BCL11A: variants seen among roughly 807,000 people sequenced by gnomAD.
BCL11A encodes B cell CLL/lymphoma 11A.
A neutral mutation model predicts 55.9 loss-of-function variants in BCL11A; 2 were observed. That is an observed-to-expected ratio of 0.04 (90% CI 0.01 to 0.11). The LOEUF is 0.11. BCL11A is among the 10% of genes least tolerant of loss of function. The pLI, the probability that BCL11A is intolerant of heterozygous loss-of-function variation, is 1.00. For synonymous variants in BCL11A, 465 were observed against 473.4 expected (o/e 0.98, Z 0.23); for missense variants, 817 against 1,137.1 (o/e 0.72, Z 4.05).
Position 60,501,786 on chromosome 2 carries a change from G to A in BCL11A, c.386-32953C>T, listed in dbSNP as rs139325010. 5.7e-4 allele frequency among the ~76,000 whole-genome samples: 87 copies of A among 152,202 alleles called. 2 individuals carry two copies. In the East Asian group the frequency reaches 0.013, roughly 23 times the overall value. On this transcript the variant is annotated intron_variant, in intron 2 of 3. Transcript: ENST00000642384. ...CTCCCAAAGTGCTGGAATTACAGAC[G>A]TGAGCCACTGCGCCCAGCCTTACAC...
At position 60,464,895 on chromosome 2, in the gene BCL11A, C is replaced by A. The variant is rs576070706; in HGVS notation, c.488-2471G>T. 3.3e-5 allele frequency among the ~76,000 whole-genome samples: 5 copies of A among 152,254 alleles called. No homozygotes were observed. In the East Asian group the frequency reaches 9.6e-4, roughly 29 times the overall value. Reference sequence around the variant, plus strand: ...CAGGTCAGAGAAAATGGCATTTTATCTTATAATGAGCATACAACATACAGT... The same window carrying A: ...CAGGTCAGAGAAAATGGCATTTTATATTATAATGAGCATACAACATACAGT... On this transcript the variant is annotated intron_variant, in intron 3 of 3. Coordinates refer to ENST00000642384, the MANE Select transcript of BCL11A (RefSeq NM_022893.4).
intron 2 of BCL11A, among the ~76,000 whole-genome samples, chr2:60,539,911 T>C (rs973035020): frequency 1.3e-5 from 2 of 152,166 alleles, no homozygotes; most frequent in African/African-American, 4.8e-5. Context: ...GGAGAAGCTG[T>C]TTAAGGATGC....
At chr2:60,456,583 A>C (rs1675943661), downstream of BCL11A, among the ~76,000 whole-genome samples, 1 of 152,158 alleles carries the variant, frequency 6.6e-6, no homozygotes, top group African/African-American at 2.4e-5. Context: ...CTACACCCCT[A>C]GTGGCTGCTT....
rs528942503 is a variant in BCL11A, at chr2:60,479,263, G to A, written c.386-10430C>T. Among the ~76,000 whole-genome samples the A allele has an allele frequency of 9.8e-5, 15 of 152,308 alleles. No individual in the cohort carries two copies. The South Asian group carries it at 2.1e-3, about 21-fold the overall frequency. The stretch of plus-strand genomic sequence containing the variant: ...CTTTCTACCCACCTAGCAGGTCCAC[G>A]TGGGGACTCAGCCTATGGACACCTG... On this transcript the variant is annotated intron_variant, in intron 2 of 3. Coordinates refer to ENST00000642384, the MANE Select transcript of BCL11A (RefSeq NM_022893.4).
intron 2 of BCL11A, among the ~76,000 whole-genome samples, chr2:60,503,541 T>C (rs1679411582): frequency 6.6e-6 from 1 of 152,152 alleles, no homozygotes; most frequent in Non-Finnish European, 1.5e-5. Flanking sequence ...TCTGGGAAAA[T>C]AATGTGTGGC....
intron 2 of BCL11A, among the ~76,000 whole-genome samples, chr2:60,540,107 T>C (rs1001684138): frequency 6.6e-6 from 1 of 152,186 alleles, no homozygotes; most frequent in Non-Finnish European, 1.5e-5. Flanking sequence ...TTTGAAATAA[T>C]GTTAAAAGTG....
At chr2:60,485,702 A>C (rs948563760) in intron 2 of BCL11A, among the ~76,000 whole-genome samples, 1 of 152,184 alleles carries the variant, frequency 6.6e-6, no homozygotes, top group Non-Finnish European at 1.5e-5. Context: ...TGAGAAGTGA[A>C]GTTGCCTTTC....
chr2:60,469,117 T>C lies in BCL11A; in HGVS notation c.386-284A>G, dbSNP rs1381630143. Reference sequence around the variant, plus strand: ...CATTTGCTTATTTATTTGTTGTTGTTTGATTATTGTCTTGTGGAAAGAAGA... The same window carrying C: ...CATTTGCTTATTTATTTGTTGTTGTCTGATTATTGTCTTGTGGAAAGAAGA... On this transcript the variant is annotated intron_variant, in intron 2 of 3. Coordinates refer to ENST00000642384, the MANE Select transcript of BCL11A (RefSeq NM_022893.4). 2.0e-5 allele frequency among the ~76,000 whole-genome samples: 3 copies of C among 152,176 alleles called. No homozygotes were observed. In the East Asian group the frequency reaches 5.8e-4, roughly 29 times the overall value.
chr2:60,504,983 A>G (rs1180387124), intron 2 of BCL11A, among the ~76,000 whole-genome samples: 1 of 152,184 alleles, frequency 6.6e-6, no homozygotes, highest in African/African-American at 2.4e-5. Context: ...ACCCAGAAGT[A>G]TAAGGAGTTC....
At chr2:60,476,663 G>A (rs1284688710) in intron 2 of BCL11A, among the ~76,000 whole-genome samples, 1 of 152,166 alleles carries the variant, frequency 6.6e-6, no homozygotes, top group East Asian at 1.9e-4. Context: ...CACCCTTCCA[G>A]GCTCATTGAA....
chr2:60,528,649 G>A (rs1179802404), intron 2 of BCL11A: 1 of 152,340 alleles, frequency 6.6e-6, no homozygotes, highest in Non-Finnish European at 1.5e-5. Flanking sequence ...GTAGCAGAGG[G>A]TGGCGGCCGC....
In BCL11A at chr2:60,462,261, T is replaced by C; in HGVS notation, c.651A>G (p.Leu217=). Residue 217 remains leucine, a synonymous_variant, in exon 4 of 4, where the codon CTA becomes CTG. Transcript: ENST00000642384. ...GTGGCTGGGAAGGACATTCTGCACC[T>C]AGTCCTGAAGGGATACCAACCCGCG... ...LTPRVGIPSG[L]GAECPSQPPL... 6.2e-7 allele frequency: 1 copy of C among 1,614,002 alleles called. No homozygotes were observed. Among genetic ancestry groups the C allele is most frequent in the Non-Finnish European group, 8.5e-7 (1 of 1,179,980 alleles).
chr2:60,501,531 C>T (rs1328912820), intron 2 of BCL11A, among the ~76,000 whole-genome samples: 1 of 124,374 alleles, frequency 8.0e-6, no homozygotes, highest in African/African-American at 3.1e-5. Flanking sequence ...TTTTTTGAGA[C>T]AGAGTTTCGC....
At position 60,492,171 on chromosome 2, in the gene BCL11A, G is replaced by A. The variant is rs895978957; in HGVS notation, c.386-23338C>T. Among the ~76,000 whole-genome samples, 4 of 152,168 alleles carry A rather than the reference G, an allele frequency of 2.6e-5. No individual in the cohort carries two copies. The East Asian group carries it at 7.7e-4, about 29-fold the overall frequency. ...GCAGGAGGATCACTGGAGCCCAGGA[G>A]TTCAAGACCAGCCTGGGCAACAGGG... On this transcript the variant is annotated intron_variant, in intron 2 of 3. Transcript: ENST00000642384.
intron 2 of BCL11A, among the ~76,000 whole-genome samples, chr2:60,532,442 C>A (rs759626335): frequency 6.8e-6 from 1 of 146,930 alleles, no homozygotes; most frequent in Middle Eastern, 3.3e-3. Flanking sequence ...GTGGTGGTGG[C>A]GTTAATGTTT....
chr2:60,553,244 G>C lies in BCL11A; in HGVS notation c.27C>G (p.Pro9=). The change falls in exon 1 of 4, where the codon CCC becomes CCG. Residue 9 remains proline, a synonymous_variant. Transcript: ENST00000642384. MSRRKQGK[P]QHLSKREFSP... ...AGAATTCCCGTTTGCTTAAGTGCTG[G>C]GGTTTGCCTTGCTTGCGGCGAGACA... The C allele has an allele frequency of 6.3e-7, 1 of 1,596,032 alleles. No individual in the cohort carries two copies. The highest frequency in any genetic ancestry group is 1.1e-5 in the South Asian group (1 of 88,446).
At chr2:60,476,124 G>C (rs1260259251) in intron 2 of BCL11A, among the ~76,000 whole-genome samples, 2 of 152,186 alleles carry the variant, frequency 1.3e-5, no homozygotes, top group Admixed American at 1.3e-4. Context: ...GGATACACCT[G>C]TTCCCCTCAT....
rs747539514 is a variant in BCL11A, at chr2:60,553,299, G to T, written c.-29C>A. 2 of 1,536,786 alleles carry T rather than the reference G, an allele frequency of 1.3e-6. No homozygotes were observed. Among genetic ancestry groups the T allele is most frequent in the South Asian group, 2.4e-5 (2 of 82,018 alleles). ...GGGCTGCGGGGCGGGCGGCGGCGGC[G>T]GCGGCGGCGGCGGCGGGCGGACGAC... On this transcript the variant is annotated 5_prime_UTR_variant, in exon 1 of 4. Coordinates refer to ENST00000642384, the MANE Select transcript of BCL11A (RefSeq NM_022893.4).
chr2:60,553,309 G>A lies in BCL11A; in HGVS notation c.-39C>T. The A allele has an allele frequency of 6.5e-7, 1 of 1,528,440 alleles. No individual in the cohort carries two copies. The allele number at this position is 1,528,440 out of a possible 1,614,324, so 94.7% of individuals were successfully genotyped here. A position where few individuals can be genotyped will look rare whatever the true frequency, so the allele number is the denominator to read the frequency against. On this transcript the variant is annotated 5_prime_UTR_variant, in exon 1 of 4. Transcript: ENST00000642384. ...GCGGGCGGCGGCGGCGGCGGCGGCG[G>A]CGGCGGGCGGACGACGGCTCGGTTC...
Sources: allele counts gnomAD v4.1 joint callset (sites outside exome capture counted in the v4.1 genomes callset), GRCh38; gene constraint gnomAD v4.1.1; transcripts MANE v1.5; gene names NCBI Gene and HGNC (gene_info 2026-07-23, HGNC 2026-07-21).